CSMD1: variants seen among roughly 807,000 people sequenced by gnomAD.
The protein encoded by CSMD1 is CUB and Sushi multiple domains 1.
CSMD1 carries 213 observed loss-of-function variants against 417.5 expected under a neutral mutation model. That is an observed-to-expected ratio of 0.51 (90% CI 0.46 to 0.57). The LOEUF (loss-of-function observed/expected upper bound fraction) is 0.57. CSMD1 is among the 20% of genes least tolerant of loss of function. CSMD1 has a pLI of 0.00. For synonymous variants in CSMD1, 2,862 were observed against 1,736.8 expected (o/e 1.65, Z -16.11); for missense variants, 6,923 against 4,529.7 (o/e 1.53, Z -15.17).
At chr8:4,808,603 C>G (rs1798719378) in intron 1 of CSMD1, among the ~76,000 whole-genome samples, 1 of 152,120 alleles carries the variant, frequency 6.6e-6, no homozygotes, top group Non-Finnish European at 1.5e-5. Context: ...CTAATGGTTT[C>G]ACCCAAAAAT....
chr8:4,750,950 C>T (rs1186299410), intron 1 of CSMD1, among the ~76,000 whole-genome samples: 1 of 152,142 alleles, frequency 6.6e-6, no homozygotes, highest in Non-Finnish European at 1.5e-5. Context: ...GTGCTTACAG[C>T]CATGTCTGTA....
chr8:4,459,564 G>A (rs900260592), intron 2 of CSMD1, among the ~76,000 whole-genome samples: 7 of 152,206 alleles, frequency 4.6e-5, no homozygotes, highest in African/African-American at 1.7e-4. Flanking sequence ...TAGAGCTGCA[G>A]GCTAATCCAT....
chr8:3,925,792 T>G (rs774116853), intron 5 of CSMD1, among the ~76,000 whole-genome samples: 6 of 152,088 alleles, frequency 3.9e-5, no homozygotes, highest in Non-Finnish European at 7.4e-5. Context: ...TTCCCAGTTT[T>G]GGGTATGTCT....
At chr8:4,548,502 A>G (rs1233577399) in intron 2 of CSMD1, among the ~76,000 whole-genome samples, 1 of 152,218 alleles carries the variant, frequency 6.6e-6, no homozygotes, top group African/African-American at 2.4e-5. Flanking sequence ...CCTCAGAATG[A>G]AAATGCCATG....
At chr8:3,946,455 C>T (rs761076519) in intron 5 of CSMD1, among the ~76,000 whole-genome samples, 3 of 152,136 alleles carry the variant, frequency 2.0e-5, no homozygotes, top group African/African-American at 7.2e-5. Flanking sequence ...ATCTTCAAAT[C>T]GTATTATGTA....
intron 3 of CSMD1, among the ~76,000 whole-genome samples, chr8:4,194,705 C>G (rs905546998): frequency 6.6e-6 from 1 of 151,982 alleles, no homozygotes; most frequent in Non-Finnish European, 1.5e-5. Context: ...AGCCATTTGC[C>G]AAAGTTCTTC....
intron 41 of CSMD1, among the ~76,000 whole-genome samples, chr8:3,135,974 C>G (rs1232290992): frequency 6.6e-6 from 1 of 152,156 alleles, no homozygotes; most frequent in Non-Finnish European, 1.5e-5. Flanking sequence ...GGCCCAGGCT[C>G]CAGACATGCC....
chr8:3,669,631 C>G (rs886118594), intron 7 of CSMD1, among the ~76,000 whole-genome samples: 1 of 152,148 alleles, frequency 6.6e-6, no homozygotes, highest in African/African-American at 2.4e-5. Context: ...GGTATTCGCC[C>G]GCTGGGTACA....
chr8:4,077,331 T>C (rs1396207658), intron 3 of CSMD1, among the ~76,000 whole-genome samples: 1 of 112,750 alleles, frequency 8.9e-6, no homozygotes, highest in Non-Finnish European at 1.9e-5. Flanking sequence ...ATGGTAGACA[T>C]ATAGATTATA....
intron 1 of CSMD1, among the ~76,000 whole-genome samples, chr8:4,717,150 G>A (rs1298314028): frequency 6.6e-6 from 1 of 151,318 alleles, no homozygotes; most frequent in African/African-American, 2.4e-5. Flanking sequence ...AAAAAAACTA[G>A]GGTATACAGT....
chr8:3,730,091 G>C (rs2469304), intron 6 of CSMD1, among the ~76,000 whole-genome samples: 3 of 151,842 alleles, frequency 2.0e-5, no homozygotes, highest in African/African-American at 7.3e-5. Flanking sequence ...CACCCCAAAA[G>C]AACTTTCCCG....
chr8:4,575,498 G>C (rs1247057635), intron 2 of CSMD1, among the ~76,000 whole-genome samples: 1 of 152,128 alleles, frequency 6.6e-6, no homozygotes, highest in East Asian at 1.9e-4. Context: ...AATAATGCAG[G>C]TATCCTCCAG....
intron 3 of CSMD1, among the ~76,000 whole-genome samples, chr8:4,042,979 A>T (rs982958948): frequency 6.6e-6 from 1 of 151,926 alleles, no homozygotes; most frequent in African/African-American, 2.4e-5. Flanking sequence ...TGGGAAAAAA[A>T]AAATTAGCTG....
intron 5 of CSMD1, among the ~76,000 whole-genome samples, chr8:3,846,513 T>G (rs913783662): frequency 4.6e-5 from 7 of 152,210 alleles, no homozygotes; most frequent in African/African-American, 1.7e-4. Flanking sequence ...TAGAAAGTAT[T>G]TCACAGGAAT....
At chr8:4,972,076 C>G (rs1584937210) in intron 1 of CSMD1, among the ~76,000 whole-genome samples, 1 of 152,014 alleles carries the variant, frequency 6.6e-6, no homozygotes, top group Non-Finnish European at 1.5e-5. Flanking sequence ...CGATACCATA[C>G]CCGTTTTCAA....
chr8:4,847,368 C>T (rs958754508), intron 1 of CSMD1, among the ~76,000 whole-genome samples: 2 of 152,144 alleles, frequency 1.3e-5, no homozygotes, highest in Admixed American at 6.5e-5. Flanking sequence ...ATCACATTTT[C>T]AGATACCAAA....
intron 5 of CSMD1, among the ~76,000 whole-genome samples, chr8:3,824,057 T>C (rs1801902212): frequency 6.6e-6 from 1 of 152,152 alleles, no homozygotes; most frequent in African/African-American, 2.4e-5. Context: ...ATTTCATTCT[T>C]CATCCTGGTG....
rs571018787 is a variant in CSMD1, at chr8:4,155,736, C to T, written c.416-123637G>A. Among the ~76,000 whole-genome samples the T allele has an allele frequency of 6.7e-4, 102 of 152,212 alleles. 1 individual carries two copies. In the Middle Eastern group the frequency reaches 0.037, roughly 56 times the overall value. On this transcript the variant is annotated intron_variant, in intron 3 of 69. Coordinates refer to ENST00000635120, the MANE Select transcript of CSMD1 (RefSeq NM_033225.6). ...TCAAATCACAACAGAAACATTCCTC[C>T]GTGTCAGCTTTTGTCATTGATCCCC...
intron 3 of CSMD1, among the ~76,000 whole-genome samples, chr8:4,054,591 T>A (rs892283082): frequency 1.3e-5 from 2 of 152,086 alleles, no homozygotes; most frequent in African/African-American, 4.8e-5. Flanking sequence ...GTAGTCTAAT[T>A]GTGGAGGTGT....
Sources: gnomAD v4.1 joint callset for allele counts (sites outside exome capture counted in the v4.1 genomes callset) on GRCh38, gnomAD v4.1.1 for gene constraint, MANE v1.5 for transcripts, NCBI Gene and HGNC (gene_info 2026-07-23, HGNC 2026-07-21) for gene names.